The following AVL9 variants were observed in gnomAD, a reference collection of about 807,000 sequenced individuals.
AVL9 encodes AVL9 cell migration associated.
AVL9 carries 49 observed loss-of-function variants against 79.2 expected under a neutral mutation model. The observed-to-expected ratio is 0.62, with a 90% CI of 0.49 to 0.79. The LOEUF (loss-of-function observed/expected upper bound fraction) is 0.79. AVL9 is among the 30% of genes least tolerant of loss of function. The pLI, the probability that AVL9 is intolerant of heterozygous loss-of-function variation, is 0.00. For missense variants in AVL9, 682 were observed against 776.8 expected, an observed-to-expected ratio of 0.88 and a Z score of 1.45; for synonymous variants, 299 against 280.6, an observed-to-expected ratio of 1.07 and a Z score of -0.65.
At chr7:32,501,800 T>G (rs1308501419) in intron 1 of AVL9, among the ~76,000 whole-genome samples, 1 of 152,170 alleles carries the variant, frequency 6.6e-6, no homozygotes, top group African/African-American at 2.4e-5. Flanking sequence ...GTCATTGATA[T>G]GATTCAGATC....
intron 1 of AVL9, among the ~76,000 whole-genome samples, chr7:32,497,807 G>A (rs1288460037): frequency 6.6e-6 from 1 of 151,644 alleles, no homozygotes; most frequent in Non-Finnish European, 1.5e-5. Context: ...GCCCGCCACC[G>A]CGCCCGGCTA....
chr7:32,558,745 A>T lies in AVL9; in HGVS notation c.679+117A>T. 10 of 1,056,210 alleles carry T rather than the reference A, an allele frequency of 9.5e-6. No individual in the cohort carries two copies. In the East Asian group the frequency reaches 2.5e-4, roughly 27 times the overall value. The allele number at this position is 1,056,210 out of a possible 1,614,324, so 65.4% of individuals were successfully genotyped here. On this transcript the variant is annotated intron_variant, in intron 9 of 15. Transcript: ENST00000318709. ...GGGTTATCCTTTCTATTTTAATATG[A>T]CGTCTTCCTTTTGGAAATAGGTTTC...
intron 1 of AVL9, among the ~76,000 whole-genome samples, chr7:32,509,072 G>T (rs1187937654): frequency 2.0e-5 from 3 of 152,180 alleles, no homozygotes; most frequent in Non-Finnish European, 2.9e-5. Flanking sequence ...CTGTTCATCA[G>T]ATGCTCTCAT....
intron 12 of AVL9, among the ~76,000 whole-genome samples, chr7:32,573,902 T>G (rs1399433221): frequency 6.6e-6 from 1 of 152,226 alleles, no homozygotes; most frequent in Non-Finnish European, 1.5e-5. Flanking sequence ...TAACCCATTC[T>G]AAGAAATATT....
intron 13 of AVL9, among the ~76,000 whole-genome samples, chr7:32,579,583 ATATAT>A (rs1175374436): frequency 7.7e-5 from 1 of 13,000 alleles, no homozygotes; most frequent in Non-Finnish European, 1.2e-4. Context: ...ATTATATATT[ATATAT>A]TATATATTAT....
intron 13 of AVL9, among the ~76,000 whole-genome samples, chr7:32,578,077 G>T (rs1166406545): frequency 6.6e-6 from 1 of 152,162 alleles, no homozygotes; most frequent in Non-Finnish European, 1.5e-5. Context: ...GTTACAGAAA[G>T]AATTGGGGGC....
At chr7:32,531,415 G>T (rs10232655) in intron 1 of AVL9, among the ~76,000 whole-genome samples, 50 of 99,406 alleles carry the variant, frequency 5.0e-4, no homozygotes, top group Admixed American at 7.4e-4. Flanking sequence ...ACATGTTAAT[G>T]AACATGTATA....
intron 1 of AVL9, among the ~76,000 whole-genome samples, chr7:32,519,713 C>T (rs966226897): frequency 2.8e-4 from 42 of 152,020 alleles, no homozygotes; most frequent in African/African-American, 1.0e-3. Context: ...CTATTTCAGT[C>T]GTTTTAAATT....
At chr7:32,542,984 C>T (rs1789286314) in intron 1 of AVL9, among the ~76,000 whole-genome samples, 157 bp from the exon 2 acceptor site, 1 of 152,188 alleles carries the variant, frequency 6.6e-6, no homozygotes, top group East Asian at 1.9e-4. Context: ...TTTTCCCCCT[C>T]TTCCATGCCA....
chr7:32,540,948 G>C (rs1789166221), intron 1 of AVL9, among the ~76,000 whole-genome samples: 1 of 125,376 alleles, frequency 8.0e-6, no homozygotes, highest in South Asian at 2.6e-4. Context: ...GCCCAGGCTG[G>C]AGTGCAGTGG....
intron 1 of AVL9, among the ~76,000 whole-genome samples, chr7:32,511,651 G>A (rs979891073): frequency 7.2e-5 from 11 of 151,978 alleles, no homozygotes; most frequent in Non-Finnish European, 1.6e-4. Context: ...GGAAGAGCTG[G>A]GCAGGGAGTT....
chr7:32,573,770 C>T (rs2079061498), intron 12 of AVL9, among the ~76,000 whole-genome samples: 1 of 152,122 alleles, frequency 6.6e-6, no homozygotes. Flanking sequence ...TCATATTCAT[C>T]AGTATTTGGC....
intron 1 of AVL9, chr7:32,534,672 A>C (rs541943379): frequency 6.6e-6 from 1 of 152,338 alleles, no homozygotes; most frequent in Non-Finnish European, 1.5e-5. Context: ...AAGAGTTTCC[A>C]GTGATTTAGG....
Position 32,521,097 on chromosome 7 carries a change from A to G in AVL9, c.94-22044A>G, listed in dbSNP as rs189023827. ...CCCAGCCATGTGGAACTTTAGTCCA[A>G]TTAAATTTTTTTTTCTTCCCAGTCT... On this transcript the variant is annotated intron_variant, in intron 1 of 15. Coordinates refer to ENST00000318709, the MANE Select transcript of AVL9 (RefSeq NM_015060.3). 1.4e-4 allele frequency among the ~76,000 whole-genome samples: 21 copies of G among 152,258 alleles called. No homozygotes were observed. In the East Asian group the frequency reaches 1.7e-3, roughly 13 times the overall value.
At chr7:32,552,556 T>A (rs1175068876) in intron 6 of AVL9, among the ~76,000 whole-genome samples, 1 of 151,848 alleles carries the variant, frequency 6.6e-6, no homozygotes, top group Non-Finnish European at 1.5e-5. Flanking sequence ...ACCTCAATTA[T>A]CATTGAAAAT....
chr7:32,540,306 G>A lies in AVL9; in HGVS notation c.94-2835G>A, dbSNP rs1789120540. Among the ~76,000 whole-genome samples, 6 of 152,316 alleles carry A rather than the reference G, an allele frequency of 3.9e-5. No homozygotes were observed. The South Asian group carries it at 1.2e-3, about 32-fold the overall frequency. ...ATAAATTTCTAAAACTGAAATTGCT[G>A]AGTCAAAGGTGGTAAAAGATAAATT... On this transcript the variant is annotated intron_variant, in intron 1 of 15. Transcript: ENST00000318709.
chr7:32,567,800 C>T (rs1046569582), intron 10 of AVL9, among the ~76,000 whole-genome samples: 1 of 151,956 alleles, frequency 6.6e-6, no homozygotes, highest in Non-Finnish European at 1.5e-5. Flanking sequence ...CTGCAACCTC[C>T]ACCTCCTGGT....
intron 1 of AVL9, chr7:32,534,884 G>T (rs1442822497): frequency 6.6e-6 from 1 of 152,122 alleles, no homozygotes; most frequent in Non-Finnish European, 1.5e-5. Context: ...GAAGGTGGAG[G>T]TTGCAGTGAG....
In AVL9 at chr7:32,588,175, A is replaced by C. The variant is rs532942007; in HGVS notation, c.*4268A>C. 1 of 152,306 alleles carries C rather than the reference A, an allele frequency of 6.6e-6. No homozygotes were observed. The highest frequency in any genetic ancestry group is 2.1e-4 in the South Asian group (1 of 4,818). 9.4% of individuals were successfully genotyped at this position (152,306 alleles called of 1,614,324 possible). ...TCACACCCACGTAGTATGCTGCTCA[A>C]ATTTTTTCGTGTGTGCAAATGTGAA... is the stretch of plus-strand genomic sequence containing the variant. On this transcript the variant is annotated 3_prime_UTR_variant, in exon 16 of 16. Transcript: ENST00000318709.
Sources: gnomAD v4.1 joint callset for allele counts (sites outside exome capture counted in the v4.1 genomes callset) on GRCh38, gnomAD v4.1.1 for gene constraint, MANE v1.5 for transcripts, NCBI Gene and HGNC (gene_info 2026-07-23, HGNC 2026-07-21) for gene names.